PPIH: variants seen among roughly 807,000 people sequenced by gnomAD.
The protein encoded by PPIH is peptidyl-prolyl cis-trans isomerase H.
PPIH carries 16 observed loss-of-function variants against 27.6 expected under a neutral mutation model. The ratio of observed to expected loss-of-function variants is 0.58; its 90% CI spans 0.39 to 0.88. The LOEUF (loss-of-function observed/expected upper bound fraction) is 0.88. PPIH is among the 40% of genes least tolerant of loss of function. The pLI is 0.00. For synonymous variants in PPIH, 63 were observed against 76.1 expected (o/e 0.83, Z 0.90); for missense variants, 155 against 224.1 (o/e 0.69, Z 1.97).
chr1:42,665,956 G>T (rs751827702), intron 6 of PPIH, 24 bp from the exon 7 acceptor site: 3 of 1,597,368 alleles, frequency 1.9e-6, no homozygotes, highest in Middle Eastern at 1.7e-4. Context: ...GAAACTTACT[G>T]CAGGTATATT....
Position 42,666,057 on chromosome 1 carries a change from T to A in PPIH, c.414T>A (p.His138Gln). ...CSKCDWLDGK[H>Q]VVFGKIIDGL... is the part of the protein sequence containing the mutation. ...AGTGCGATTGGCTGGATGGGAAGCA[T>A]GTGGTGTTTGGTAAGTCCTACTCCT... Residue 138 changes from histidine to glutamine, a missense_variant, in exon 7 of 10, where the codon CAT (histidine) becomes CAA (glutamine). This residue lies in a region of PPIH where 96 missense variants were observed against 175.3 expected (regional missense o/e 0.55). Coordinates refer to ENST00000304979, the MANE Select transcript of PPIH (RefSeq NM_006347.4). 6.2e-7 allele frequency: 1 copy of A among 1,614,086 alleles called. No homozygotes were observed. The highest frequency in any genetic ancestry group is 1.1e-5 in the South Asian group (1 of 91,088).
chr1:42,667,674 G>A (rs184774253), intron 9 of PPIH, among the ~76,000 whole-genome samples: 3 of 152,280 alleles, frequency 2.0e-5, no homozygotes, highest in African/African-American at 7.2e-5. Context: ...GGTTGTAGGA[G>A]CACTTTACTT....
At chr1:42,673,223 G>A (rs868717952) in intron 9 of PPIH, among the ~76,000 whole-genome samples, 4 of 152,082 alleles carry the variant, frequency 2.6e-5, no homozygotes. Flanking sequence ...GGCTTCAAGC[G>A]ATCTTCCCAC....
chr1:42,663,556 C>T (rs961777657), intron 5 of PPIH, among the ~76,000 whole-genome samples: 3 of 151,954 alleles, frequency 2.0e-5, no homozygotes, highest in Non-Finnish European at 2.9e-5. Flanking sequence ...ACCACCACCA[C>T]ACGTGGCTAA....
downstream of PPIH, among the ~76,000 whole-genome samples, chr1:42,677,166 A>G (rs1570407956): frequency 6.6e-6 from 1 of 152,186 alleles, no homozygotes; most frequent in African/African-American, 2.4e-5. Context: ...AAACAGCAAC[A>G]ATACCTTAGA....
downstream of PPIH, among the ~76,000 whole-genome samples, chr1:42,680,475 C>G (rs1649990296): frequency 6.6e-6 from 1 of 152,234 alleles, no homozygotes; most frequent in African/African-American, 2.4e-5. Flanking sequence ...TCTAAGACTT[C>G]TCTTAGAAGT....
intron 9 of PPIH, chr1:42,675,142 G>C (rs1037685539): frequency 9.2e-5 from 14 of 152,248 alleles, no homozygotes; most frequent in African/African-American, 3.1e-4. Flanking sequence ...ATAGCAGACT[G>C]TGGATAATAC....
rs151200583 is a variant in PPIH at position 42,666,122 on chromosome 1, C to T, written c.424+55C>T. On this transcript the variant is annotated intron_variant, in intron 7 of 9. Coordinates refer to ENST00000304979, the MANE Select transcript of PPIH (RefSeq NM_006347.4). ...GCCCCATTCACCCTGGATGGAACCTCCAGAGGAGTTAGTTCTCAAACTCTT... is the reference window on the plus strand; with the variant it reads ...GCCCCATTCACCCTGGATGGAACCTTCAGAGGAGTTAGTTCTCAAACTCTT... 236 of 1,520,144 alleles carry T rather than the reference C, an allele frequency of 1.6e-4. 2 individuals carry two copies. The African/African-American group carries it at 2.6e-3, about 17-fold the overall frequency. The allele number at this position is 1,520,144 out of a possible 1,614,324, so 94.2% of individuals were successfully genotyped here.
In PPIH at chr1:42,667,404, G is replaced by T. The variant is rs758398474; in HGVS notation, c.519G>T (p.Gln173His). 1 of 1,604,938 alleles carries T rather than the reference G, an allele frequency of 6.2e-7. No individual in the cohort carries two copies. Among genetic ancestry groups the T allele is most frequent in the South Asian group, 1.1e-5 (1 of 90,888 alleles). The change falls in exon 9 of 10, where the codon CAG becomes CAT. Residue 173 changes from glutamine to histidine, a missense_variant. Coordinates refer to ENST00000304979, the MANE Select transcript of PPIH (RefSeq NM_006347.4). ...NKPKLPVVISQCGEM is the reference protein window; with the variant it reads ...NKPKLPVVISHCGEM ...CCAAGCTACCTGTGGTGATCTCGCAGTGTGGGGAGATGTAGTCCAGACAAA... is the reference window on the plus strand; with the variant it reads ...CCAAGCTACCTGTGGTGATCTCGCATTGTGGGGAGATGTAGTCCAGACAAA...
At chr1:42,673,199 G>A (rs943228878) in intron 9 of PPIH, among the ~76,000 whole-genome samples, 4 of 151,856 alleles carry the variant, frequency 2.6e-5, no homozygotes, top group South Asian at 2.1e-4. Context: ...TGTCCAGGCC[G>A]GTCTCAAACT....
chr1:42,659,000 C>A, intron 2 of PPIH, 92 bp downstream of exon 2: 1 of 1,430,902 alleles, frequency 7.0e-7, no homozygotes, highest in South Asian at 1.2e-5. Flanking sequence ...TCTGTCCGTC[C>A]GCTCACTGCT....
downstream of PPIH, among the ~76,000 whole-genome samples, chr1:42,680,405 T>C (rs1649988527): frequency 6.6e-6 from 1 of 152,220 alleles, no homozygotes; most frequent in Admixed American, 6.5e-5. Flanking sequence ...GCTCCTGCAG[T>C]ATCCTGCAGC....
chr1:42,667,512 C>T, intron 9 of PPIH, 72 bp downstream of exon 9: 1 of 1,318,822 alleles, frequency 7.6e-7, no homozygotes, highest in South Asian at 1.3e-5. Context: ...GTGGAAAGAA[C>T]TTTAGTCTTG....
chr1:42,667,141 C>T (rs1306142468), intron 8 of PPIH, among the ~76,000 whole-genome samples: 1 of 152,146 alleles, frequency 6.6e-6, no homozygotes, highest in East Asian at 1.9e-4. Context: ...TCTCTTATAA[C>T]TTTTTCTTAT....
intron 9 of PPIH, among the ~76,000 whole-genome samples, chr1:42,669,341 T>G (rs539812174): frequency 6.6e-6 from 1 of 152,316 alleles, no homozygotes; most frequent in South Asian, 2.1e-4. Context: ...TGACTTCATG[T>G]GATGGATCAT....
rs966263152 is a variant in PPIH at position 42,665,759 on chromosome 1, G to A, written c.337-221G>A. On this transcript the variant is annotated intron_variant, in intron 6 of 9. Coordinates refer to ENST00000304979, the MANE Select transcript of PPIH (RefSeq NM_006347.4). ...CATCTACTAGGGAGGCTGAGGTGGG[G>A]AGGATTGCTTGAGCCCAGGAGTTTG... Among the ~76,000 whole-genome samples, 5 of 152,266 alleles carry A rather than the reference G, an allele frequency of 3.3e-5. No individual in the cohort carries two copies. The East Asian group carries it at 7.7e-4, about 23-fold the overall frequency.
rs111227917 is a variant in PPIH at position 42,659,513 on chromosome 1, C to T, written c.156-9C>T. The stretch of plus-strand genomic sequence containing the variant: ...CTGTCACTCCAAGTCTCTTTCTTTT[C>T]GGTTATAGGAAAGATGGGGTTCCAA... On this transcript the variant is annotated splice_polypyrimidine_tract_variant and intron_variant, in intron 3 of 9. Transcript: ENST00000304979. 1.2e-3 allele frequency: 1,858 copies of T among 1,614,146 alleles called. 13 individuals are homozygous for T. In the African/African-American group the frequency reaches 0.021, roughly 18 times the overall value.
intron 7 of PPIH, 137 bp downstream of exon 7, chr1:42,666,204 G>A: frequency 1.3e-6 from 1 of 791,682 alleles, no homozygotes; most frequent in Non-Finnish European, 2.1e-6. Context: ...AACAGAAATG[G>A]TGGGGAGGTG....
At position 42,666,085 on chromosome 1, in the gene PPIH, C is replaced by T. The variant is rs751633304; in HGVS notation, c.424+18C>T. ...GGTGTTTGGTAAGTCCTACTCCTGT[C>T]TCATGGTCCAGGCCCCATTCACCCT... On this transcript the variant is annotated intron_variant, in intron 7 of 9. Coordinates refer to ENST00000304979, the MANE Select transcript of PPIH (RefSeq NM_006347.4). 12 of 1,610,190 alleles carry T rather than the reference C, an allele frequency of 7.5e-6. No individual in the cohort carries two copies. The Admixed American group carries it at 1.2e-4, about 16-fold the overall frequency.
Sources: allele counts gnomAD v4.1 joint callset (sites outside exome capture counted in the v4.1 genomes callset), GRCh38; gene constraint gnomAD v4.1.1; regional missense constraint gnomAD v4.1.1; transcripts MANE v1.5; gene names NCBI Gene and HGNC (gene_info 2026-07-23, HGNC 2026-07-21).